KIF16B: variants seen among roughly 807,000 people sequenced by gnomAD.
The protein encoded by KIF16B is kinesin family member 16B, also known as kinesin-like protein KIF16B.
Under a neutral mutation model 156.3 loss-of-function variants are expected in KIF16B, and 98 were observed. The observed-to-expected ratio is 0.63, with a 90% CI of 0.53 to 0.74. KIF16B has a LOEUF of 0.74. Ranked by LOEUF, KIF16B falls within the 30% of genes least tolerant of loss-of-function variation. The pLI is 0.00. For missense variants in KIF16B, 1,421 were observed against 1,606.5 expected (o/e 0.88, Z 1.97); for synonymous variants, 564 against 583.7 (o/e 0.97, Z 0.49).
chr20:16,551,881 T>G (rs138461266), intron 1 of KIF16B, among the ~76,000 whole-genome samples: 3 of 152,196 alleles, frequency 2.0e-5, no homozygotes, highest in Non-Finnish European at 4.4e-5. Context: ...AAGGCTCAAG[T>G]TGCACCTGGT....
intron 12 of KIF16B, among the ~76,000 whole-genome samples, chr20:16,483,218 G>C (rs565596489): frequency 6.6e-6 from 1 of 152,290 alleles, no homozygotes; most frequent in Non-Finnish European, 1.5e-5. Flanking sequence ...GTAGAACCAA[G>C]GAGAATCCTG....
At chr20:16,489,651 C>T (rs1455205010) in intron 12 of KIF16B, among the ~76,000 whole-genome samples, 2 of 151,384 alleles carry the variant, frequency 1.3e-5, no homozygotes, top group African/African-American at 4.9e-5. Context: ...GAGCCAAGAT[C>T]GCACCACTGC....
chr20:16,333,135 C>T (rs1336861348), intron 24 of KIF16B, among the ~76,000 whole-genome samples: 1 of 152,158 alleles, frequency 6.6e-6, no homozygotes, highest in Non-Finnish European at 1.5e-5. Context: ...ACCACTTTTC[C>T]AGGCCTTTTT....
chr20:16,540,104 T>C (rs549211955), intron 1 of KIF16B, among the ~76,000 whole-genome samples: 3 of 152,272 alleles, frequency 2.0e-5, no homozygotes, highest in South Asian at 4.1e-4. Flanking sequence ...TATACTAATA[T>C]GGAAAGAAGT....
At chr20:16,357,849 A>G (rs897978955) in intron 22 of KIF16B, among the ~76,000 whole-genome samples, 1 of 152,208 alleles carries the variant, frequency 6.6e-6, no homozygotes, top group Non-Finnish European at 1.5e-5. Context: ...AAGAAGAATT[A>G]ATTGTTTATC....
chr20:16,554,919 C>T (rs2070792093), intron 1 of KIF16B, among the ~76,000 whole-genome samples: 1 of 152,228 alleles, frequency 6.6e-6, no homozygotes, highest in African/African-American at 2.4e-5. Flanking sequence ...AGTCAGCACG[C>T]CTGGCTGTGA....
Position 16,557,160 on chromosome 20 carries a change from C to T in KIF16B, c.47+16069G>A, listed in dbSNP as rs950394547. Reference sequence around the variant, plus strand: ...TATATATTAATACTATATATATATACACACACACACACATACTAATACTAT... The same window carrying T: ...TATATATTAATACTATATATATATATACACACACACACATACTAATACTAT... On this transcript the variant is annotated intron_variant, in intron 1 of 25. Transcript: ENST00000354981. 4.5e-4 allele frequency among the ~76,000 whole-genome samples: 67 copies of T among 148,160 alleles called. 1 individual carries two copies. Among genetic ancestry groups the T allele is most frequent in the African/African-American group, 1.6e-3 (65 of 40,480 alleles).
At chr20:16,502,271 T>G (rs6044035) in intron 10 of KIF16B, among the ~76,000 whole-genome samples, 36,183 of 152,006 alleles carry the variant, frequency 0.24, 4,932 homozygotes, top group East Asian at 0.36. Context: ...CAGTACCTGG[T>G]ATAGAATATT....
chr20:16,554,619 T>G (rs1211342681), intron 1 of KIF16B, among the ~76,000 whole-genome samples: 1 of 152,224 alleles, frequency 6.6e-6, no homozygotes, highest in Non-Finnish European at 1.5e-5. Context: ...AGCTGTAGCA[T>G]GAACAGGGCC....
At chr20:16,325,559 A>G (rs1601572809) in intron 24 of KIF16B, among the ~76,000 whole-genome samples, 5 of 13,128 alleles carry the variant, frequency 3.8e-4, no homozygotes, top group Non-Finnish European at 1.2e-4. Flanking sequence ...ACAATAGCTG[A>G]AAAAAAAAAA....
At chr20:16,325,049 A>C (rs2063823973) in intron 24 of KIF16B, among the ~76,000 whole-genome samples, 1 of 152,134 alleles carries the variant, frequency 6.6e-6, no homozygotes, top group Non-Finnish European at 1.5e-5. Flanking sequence ...GAAAACAAAA[A>C]TCCCATGATC....
chr20:16,280,499 A>T (rs2063128413), intron 25 of KIF16B, among the ~76,000 whole-genome samples: 1 of 152,208 alleles, frequency 6.6e-6, no homozygotes, highest in Non-Finnish European at 1.5e-5. Flanking sequence ...TTGAATATGG[A>T]TTCAGCCTGC....
chr20:16,533,118 G>A (rs921410910), intron 1 of KIF16B, among the ~76,000 whole-genome samples: 1 of 152,178 alleles, frequency 6.6e-6, no homozygotes, highest in Non-Finnish European at 1.5e-5. Context: ...GGTAGGTTTT[G>A]AAGGTTTCAC....
intron 12 of KIF16B, among the ~76,000 whole-genome samples, chr20:16,488,823 G>A (rs1008900918): frequency 1.3e-5 from 2 of 152,190 alleles, no homozygotes; most frequent in African/African-American, 4.8e-5. Context: ...ATCACACTGA[G>A]GCAGCATTCT....
intron 15 of KIF16B, among the ~76,000 whole-genome samples, chr20:16,410,128 GGT>G: frequency 7.9e-6 from 1 of 125,802 alleles, no homozygotes; most frequent in African/African-American, 3.0e-5. Flanking sequence ...TATATATGTA[GGT>G]ACATATATAT....
intron 1 of KIF16B, among the ~76,000 whole-genome samples, chr20:16,554,214 C>T (rs960886614): frequency 2.6e-5 from 4 of 152,090 alleles, no homozygotes; most frequent in Non-Finnish European, 4.4e-5. Context: ...GGTTTTTTGC[C>T]GGGCCCACCC....
chr20:16,353,993 T>C (rs1423719203), intron 23 of KIF16B, among the ~76,000 whole-genome samples: 1 of 152,156 alleles, frequency 6.6e-6, no homozygotes, highest in Non-Finnish European at 1.5e-5. Flanking sequence ...CTTTGAGAAA[T>C]GCAAAGAAAG....
At chr20:16,329,753 C>CA (rs1283135098) in intron 24 of KIF16B, among the ~76,000 whole-genome samples, 1 of 151,980 alleles carries the variant, frequency 6.6e-6, no homozygotes, top group Non-Finnish European at 1.5e-5. Flanking sequence ...CAACTTAATT[C>CA]AAAACAAAAG....
chr20:16,452,422 G>T (rs2146612015), intron 12 of KIF16B, among the ~76,000 whole-genome samples: 1 of 151,444 alleles, frequency 6.6e-6, no homozygotes, highest in African/African-American at 2.4e-5. Context: ...AAAAACTATT[G>T]TTTCTCAGAA....
Sources: gnomAD v4.1 joint callset for allele counts (sites outside exome capture counted in the v4.1 genomes callset) on GRCh38, gnomAD v4.1.1 for gene constraint, MANE v1.5 for transcripts, NCBI Gene and HGNC (gene_info 2026-07-23, HGNC 2026-07-21) for gene names.